NIPAL2: variants seen among roughly 807,000 people sequenced by gnomAD.
NIPAL2 encodes NIPA like domain containing 2.
Under a neutral mutation model 48.9 loss-of-function variants are expected in NIPAL2, and 43 were observed. The observed-to-expected ratio is 0.88, with a 90% CI of 0.69 to 1.13. The LOEUF is 1.13. Ranked by LOEUF, NIPAL2 falls within the 50% of genes most tolerant of loss-of-function variation. The pLI is 0.00. For synonymous variants in NIPAL2, 167 were observed against 174.6 expected, an observed-to-expected ratio of 0.96 and a Z score of 0.34; for missense variants, 446 against 461.4, an observed-to-expected ratio of 0.97 and a Z score of 0.31.
chr8:98,231,952 T>G (rs76511040), intron 4 of NIPAL2: 1 of 152,248 alleles, frequency 6.6e-6, no homozygotes, highest in Non-Finnish European at 1.5e-5. Flanking sequence ...CACCACTAAC[T>G]ACTCTTTTAC....
At position 98,211,179 on chromosome 8, in the gene NIPAL2, T is replaced by C. The variant is rs183332051; in HGVS notation, c.655+1226A>G. Among the ~76,000 whole-genome samples, 205 of 152,322 alleles carry C rather than the reference T, an allele frequency of 1.3e-3. 5 individuals are homozygous for C. The highest frequency in any genetic ancestry group is 4.5e-3 in the African/African-American group (187 of 41,572). ...TTCCCTGATGTCCAATTTGAGAATATTTCTTTTCTTTTTTTTACTAGGTAA... is the reference window on the plus strand; with the variant it reads ...TTCCCTGATGTCCAATTTGAGAATACTTCTTTTCTTTTTTTTACTAGGTAA... On this transcript the variant is annotated intron_variant, in intron 6 of 10. Coordinates refer to ENST00000430223, the MANE Select transcript of NIPAL2 (RefSeq NM_001321635.2).
chr8:98,274,806 T>A (rs962172865), intron 1 of NIPAL2, among the ~76,000 whole-genome samples: 5 of 152,216 alleles, frequency 3.3e-5, no homozygotes, highest in African/African-American at 1.2e-4. Flanking sequence ...ATCTTTTGTG[T>A]GTGTCTGTAT....
intron 1 of NIPAL2, among the ~76,000 whole-genome samples, chr8:98,290,046 A>C (rs1269523692): frequency 1.3e-5 from 2 of 152,238 alleles, no homozygotes; most frequent in African/African-American, 4.8e-5. Context: ...GCCTTCAGGC[A>C]TGGAATAAAA....
intron 6 of NIPAL2, among the ~76,000 whole-genome samples, chr8:98,205,821 GT>G (rs1329704520): frequency 6.6e-6 from 1 of 152,124 alleles, no homozygotes; most frequent in Non-Finnish European, 1.5e-5. Context: ...ACACCTAGAA[GT>G]TTCATTAAGA....
At chr8:98,194,480 A>G (rs1474859659) in intron 10 of NIPAL2, among the ~76,000 whole-genome samples, 1 of 152,126 alleles carries the variant, frequency 6.6e-6, no homozygotes, top group African/African-American at 2.4e-5. Context: ...CCAAAAAGGA[A>G]ATCCTCCAAA....
chr8:98,248,661 C>T (rs1421169341), intron 3 of NIPAL2, among the ~76,000 whole-genome samples: 2 of 152,102 alleles, frequency 1.3e-5, no homozygotes, highest in African/African-American at 4.8e-5. Context: ...TTTATTTGGA[C>T]GAGTATTGAA....
intron 1 of NIPAL2, among the ~76,000 whole-genome samples, chr8:98,292,883 TGG>T (rs1816565920): frequency 6.6e-6 from 1 of 151,972 alleles, no homozygotes; most frequent in Non-Finnish European, 1.5e-5. Flanking sequence ...AAAGGAGAAA[TGG>T]GGTTGGATTA....
chr8:98,238,754 A>C (rs1442611188), intron 3 of NIPAL2, among the ~76,000 whole-genome samples: 1 of 152,160 alleles, frequency 6.6e-6, no homozygotes, highest in Non-Finnish European at 1.5e-5. Flanking sequence ...CATGAGTTTG[A>C]GTGTTTTGGT....
chr8:98,239,357 A>G (rs895625606), intron 3 of NIPAL2, among the ~76,000 whole-genome samples: 1 of 152,134 alleles, frequency 6.6e-6, no homozygotes, highest in Non-Finnish European at 1.5e-5. Context: ...ACTATACCCC[A>G]TTGGCTCCCT....
intron 1 of NIPAL2, among the ~76,000 whole-genome samples, chr8:98,279,042 C>T (rs1399699302): frequency 6.6e-6 from 1 of 152,160 alleles, no homozygotes; most frequent in Non-Finnish European, 1.5e-5. Context: ...TGATAATCCT[C>T]TGTATAAACT....
chr8:98,232,205 A>C (rs1292171818), intron 4 of NIPAL2, among the ~76,000 whole-genome samples: 2 of 152,192 alleles, frequency 1.3e-5, no homozygotes, highest in Non-Finnish European at 2.9e-5. Context: ...GTTGGAGGCA[A>C]GGGTATAGAA....
chr8:98,245,540 G>C lies in NIPAL2; in HGVS notation c.376+6923C>G, dbSNP rs570538187. ...AGAGACAATTTGCATAATTTCAAAC[G>C]AGGGAACTTACCTGGATTAAGAACA... On this transcript the variant is annotated intron_variant, in intron 3 of 10. Transcript: ENST00000430223. Among the ~76,000 whole-genome samples, 4 of 152,282 alleles carry C rather than the reference G, an allele frequency of 2.6e-5. No individual in the cohort carries two copies. In the East Asian group the frequency reaches 7.7e-4, roughly 29 times the overall value.
At chr8:98,277,251 G>A (rs143971490) in intron 1 of NIPAL2, among the ~76,000 whole-genome samples, 85 of 152,242 alleles carry the variant, frequency 5.6e-4, no homozygotes, top group African/African-American at 1.9e-3. Context: ...TCACCTGGGC[G>A]GACACAGTGG....
intron 1 of NIPAL2, among the ~76,000 whole-genome samples, chr8:98,276,138 G>C (rs967193287): frequency 6.6e-6 from 1 of 152,096 alleles, no homozygotes; most frequent in Non-Finnish European, 1.5e-5. Flanking sequence ...TTCACTGTTA[G>C]TTTTTCATGC....
chr8:98,248,281 CA>C (rs1813405259), intron 3 of NIPAL2, among the ~76,000 whole-genome samples: 1 of 152,144 alleles, frequency 6.6e-6, no homozygotes, highest in Non-Finnish European at 1.5e-5. Context: ...TTGGTTTCTC[CA>C]TTTTAGAGAA....
chr8:98,274,270 T>A (rs564706458), intron 1 of NIPAL2, among the ~76,000 whole-genome samples: 1 of 151,856 alleles, frequency 6.6e-6, no homozygotes, highest in Admixed American at 6.6e-5. Context: ...TCTATCTATC[T>A]CTCTATCTAT....
intron 1 of NIPAL2, among the ~76,000 whole-genome samples, chr8:98,291,496 A>G (rs370780895): frequency 8.5e-5 from 13 of 152,324 alleles, no homozygotes; most frequent in African/African-American, 2.9e-4. Context: ...TATATCACTC[A>G]CATGACACTT....
intron 1 of NIPAL2, among the ~76,000 whole-genome samples, chr8:98,285,288 G>A (rs1011660325): frequency 6.6e-6 from 1 of 152,150 alleles, no homozygotes; most frequent in South Asian, 2.1e-4. Flanking sequence ...TTGCTGTTGG[G>A]GCATACAGTG....
intron 3 of NIPAL2, among the ~76,000 whole-genome samples, chr8:98,243,308 A>G (rs1813096407): frequency 6.6e-6 from 1 of 152,236 alleles, no homozygotes; most frequent in Non-Finnish European, 1.5e-5. Context: ...CAAGGTTCAT[A>G]TAAGGAAACG....
Sources: allele counts gnomAD v4.1 joint callset (sites outside exome capture counted in the v4.1 genomes callset), GRCh38; gene constraint gnomAD v4.1.1; transcripts MANE v1.5; gene names NCBI Gene and HGNC (gene_info 2026-07-23, HGNC 2026-07-21).